The following CCDC150 variants were observed in gnomAD, a reference collection of about 807,000 sequenced individuals.
CCDC150 encodes the protein coiled-coil domain-containing protein 150.
In CCDC150, 151 loss-of-function variants were observed where a neutral mutation model predicts 156.5. The observed-to-expected ratio is 0.97, with a 90% CI of 0.85 to 1.10. CCDC150 has a LOEUF of 1.10. CCDC150 is among the 50% of genes least tolerant of loss of function. The pLI, the probability that CCDC150 is intolerant of heterozygous loss-of-function variation, is 0.00. For missense variants in CCDC150, 1,312 were observed against 1,268.1 expected (o/e 1.03, Z -0.53); for synonymous variants, 452 against 429.4 (o/e 1.05, Z -0.65).
At position 196,732,704 on chromosome 2, in the gene CCDC150, C is replaced by A; in HGVS notation, c.*142C>A. The A allele has an allele frequency of 1.6e-6, 1 of 613,826 alleles. No homozygotes were observed. The highest frequency in any genetic ancestry group is 2.9e-6 in the Non-Finnish European group (1 of 343,482). 38.0% of individuals were successfully genotyped at this position (613,826 alleles called of 1,614,324 possible). A position where few individuals can be genotyped will look rare whatever the true frequency, so the allele number is the denominator to read the frequency against. On this transcript the variant is annotated 3_prime_UTR_variant, in exon 28 of 28. Transcript: ENST00000389175. Reference sequence around the variant, plus strand: ...GAAGATTTTGGACCTGAGTTTATCACTTTATGAACTCTTATATCAGTACAA... The same window carrying A: ...GAAGATTTTGGACCTGAGTTTATCAATTTATGAACTCTTATATCAGTACAA...
chr2:196,685,669 C>T (rs1695081281), intron 13 of CCDC150, among the ~76,000 whole-genome samples: 1 of 151,170 alleles, frequency 6.6e-6, no homozygotes, highest in Non-Finnish European at 1.5e-5. Flanking sequence ...TGGAGTGCAG[C>T]GGTGCCATCT....
intron 13 of CCDC150, among the ~76,000 whole-genome samples, chr2:196,684,962 A>G (rs188752143): frequency 4.6e-5 from 7 of 152,128 alleles, no homozygotes; most frequent in African/African-American, 1.7e-4. Context: ...TTTTATAAAC[A>G]GCATATAGTT....
intron 2 of CCDC150, among the ~76,000 whole-genome samples, chr2:196,652,932 C>A (rs1276173718): frequency 6.6e-6 from 1 of 152,200 alleles, no homozygotes; most frequent in Non-Finnish European, 1.5e-5. Flanking sequence ...GAAGCAGTGA[C>A]CTGAGCTGTA....
chr2:196,704,796 G>C (rs1207824542), intron 15 of CCDC150, among the ~76,000 whole-genome samples: 1 of 152,076 alleles, frequency 6.6e-6, no homozygotes, highest in Non-Finnish European at 1.5e-5. Context: ...TGAGAACATG[G>C]GGTGTTTGTT....
intron 14 of CCDC150, 42 bp from the exon 15 acceptor site, chr2:196,701,067 T>C: frequency 7.6e-7 from 1 of 1,318,888 alleles, no homozygotes; most frequent in Non-Finnish European, 1.1e-6. Flanking sequence ...GGTTATTCCT[T>C]TCTATGCCTA....
chr2:196,676,149 C>T lies in CCDC150; in HGVS notation c.1144C>T (p.Gln382Ter), dbSNP rs1350159524. Residue 382 changes from glutamine to a stop codon, truncating the protein, a stop_gained, in exon 11 of 28, where the codon CAG becomes TAG. Transcript: ENST00000389175. LOFTEE classifies it high-confidence loss of function. ...TATTGCTTTTAACACTCAGGTAGAG[C>T]AGAAAATGATGACGCAGACATTTCA... ...ADHQAILQVE[Q>*]KMMTQTFQEQ... is the part of the protein sequence containing the mutation. The T allele has an allele frequency of 1.2e-6, 2 of 1,613,458 alleles. No homozygotes were observed. Among genetic ancestry groups the T allele is most frequent in the East Asian group, 4.5e-5 (2 of 44,858 alleles).
At chr2:196,689,745 C>T (rs931959984) in intron 13 of CCDC150, among the ~76,000 whole-genome samples, 5 of 152,034 alleles carry the variant, frequency 3.3e-5, no homozygotes, top group Non-Finnish European at 5.9e-5. Flanking sequence ...ATTTCCTTCT[C>T]CTGCCTAATT....
At chr2:196,700,605 C>T (rs992414778) in intron 14 of CCDC150, among the ~76,000 whole-genome samples, 1 of 152,134 alleles carries the variant, frequency 6.6e-6, no homozygotes, top group Non-Finnish European at 1.5e-5. Flanking sequence ...CCAGATAATA[C>T]TGTGTTGAGT....
At chr2:196,718,655 C>G (rs6751627) in intron 18 of CCDC150, 24 bp downstream of exon 18, 3 of 1,607,426 alleles carry the variant, frequency 1.9e-6, no homozygotes, top group South Asian at 2.2e-5. Context: ...CCCTTCTGAC[C>G]GTCTGTCACT....
rs775962426 is a variant in CCDC150, at chr2:196,716,846, C to CTTT, written c.1867-1633_1867-1631dup. Among the ~76,000 whole-genome samples the CTTT allele has an allele frequency of 7.0e-4, 52 of 74,366 alleles. 7 individuals carry two copies. Among genetic ancestry groups the CTTT allele is most frequent in the African/African-American group, 1.1e-3 (19 of 17,834 alleles). The allele number at this position is 74,366 out of a possible 152,430, so 48.8% of individuals were successfully genotyped here. On this transcript the variant is annotated intron_variant, in intron 17 of 27. Transcript: ENST00000389175. ...TGTATTAAATGTTTAAAATAACATT[C>CTTT]TTTTTTTTTTTTTTTTTTTTTTTTT...
chr2:196,712,569 G>A (rs1353659627), intron 16 of CCDC150, 108 bp from the exon 17 acceptor site: 2 of 708,828 alleles, frequency 2.8e-6, no homozygotes, highest in East Asian at 5.4e-5. Flanking sequence ...AACATTCATA[G>A]GGAGCATTAT....
intron 21 of CCDC150, among the ~76,000 whole-genome samples, 158 bp downstream of exon 21, chr2:196,721,849 A>C (rs912606035): frequency 4.6e-5 from 7 of 152,224 alleles, no homozygotes; most frequent in Admixed American, 3.3e-4. Context: ...GGCATACCTG[A>C]GCACCAGCAG....
chr2:196,652,895 T>G (rs1692967123), intron 2 of CCDC150, among the ~76,000 whole-genome samples: 4 of 152,238 alleles, frequency 2.6e-5, no homozygotes, highest in African/African-American at 9.6e-5. Context: ...ACATGGAAAC[T>G]ACAAAGGCTT....
rs191426306 is a variant in CCDC150 at position 196,685,642 on chromosome 2, C to T, written c.1509+8281C>T. Among the ~76,000 whole-genome samples the T allele has an allele frequency of 8.9e-4, 134 of 150,248 alleles. 1 individual carries two copies. Among genetic ancestry groups the T allele is most frequent in the Admixed American group, 1.3e-3 (19 of 15,082 alleles). On this transcript the variant is annotated intron_variant, in intron 13 of 27. Coordinates refer to ENST00000389175, the MANE Select transcript of CCDC150 (RefSeq NM_001080539.2). ...TTTTTTTTTTTCTGAGACAGTGTCT[C>T]GCTCTGTCACCCAGGCTGGAGTGCA...
intron 17 of CCDC150, among the ~76,000 whole-genome samples, chr2:196,717,005 C>G (rs182487170): frequency 6.7e-6 from 1 of 149,420 alleles, no homozygotes; most frequent in Non-Finnish European, 1.5e-5. Flanking sequence ...GAATTACAGG[C>G]GCCCGCCACC....
chr2:196,646,987 T>C (rs1692583673), intron 2 of CCDC150, among the ~76,000 whole-genome samples: 1 of 152,126 alleles, frequency 6.6e-6, no homozygotes, highest in Non-Finnish European at 1.5e-5. Context: ...CCCTAGTGCT[T>C]CTAAAGAAGT....
chr2:196,641,324 CTG>C (rs2125559575), intron 1 of CCDC150, among the ~76,000 whole-genome samples: 1 of 152,198 alleles, frequency 6.6e-6, no homozygotes, highest in African/African-American at 2.4e-5. Context: ...TCAATGTTCT[CTG>C]TGTTACTCCT....
intron 5 of CCDC150, among the ~76,000 whole-genome samples, chr2:196,665,014 T>G (rs1425595999): frequency 6.6e-6 from 1 of 152,224 alleles, no homozygotes; most frequent in African/African-American, 2.4e-5. Flanking sequence ...TTCAGAGCGA[T>G]GTGTATAATA....
At chr2:196,729,134 A>C in intron 22 of CCDC150, 59 bp from the exon 23 acceptor site, 4 of 1,417,904 alleles carry the variant, frequency 2.8e-6, no homozygotes, top group Non-Finnish European at 2.9e-6. Context: ...GGACAAAACT[A>C]AGTAAGCTTC....
Sources: allele counts gnomAD v4.1 joint callset (sites outside exome capture counted in the v4.1 genomes callset), GRCh38; gene constraint gnomAD v4.1.1; transcripts MANE v1.5; gene names NCBI Gene and HGNC (gene_info 2026-07-23, HGNC 2026-07-21).